The following GRIP1 variants were observed in gnomAD, a reference collection of about 807,000 sequenced individuals.
GRIP1 encodes glutamate receptor interacting protein 1.
Under a neutral mutation model 129.9 loss-of-function variants are expected in GRIP1, and 45 were observed. That is an observed-to-expected ratio of 0.35 (90% CI 0.27 to 0.44). The LOEUF (loss-of-function observed/expected upper bound fraction) is 0.44. Ranked by LOEUF, GRIP1 falls within the 20% of genes least tolerant of loss-of-function variation. The probability of loss-of-function intolerance (pLI) is 1.00; values close to 1 mark genes in which losing one functional copy is unlikely to be tolerated. For synonymous variants in GRIP1, 530 were observed against 520.8 expected (o/e 1.02, Z -0.24); for missense variants, 1,196 against 1,396.8 (o/e 0.86, Z 2.29).
At chr12:66,873,931 A>C (rs2040338940) in intron 1 of GRIP1, among the ~76,000 whole-genome samples, 2 of 152,178 alleles carry the variant, frequency 1.3e-5, no homozygotes, top group African/African-American at 4.8e-5. Context: ...GTTTCTCTAC[A>C]TCTTATCATC....
chr12:66,610,513 A>G (rs1298942925), intron 1 of GRIP1, among the ~76,000 whole-genome samples: 1 of 152,178 alleles, frequency 6.6e-6, no homozygotes, highest in African/African-American at 2.4e-5. Context: ...AGGAACTTAG[A>G]GCCAATGGTA....
intron 1 of GRIP1, among the ~76,000 whole-genome samples, chr12:66,729,172 A>T (rs546023938): frequency 4.6e-4 from 70 of 152,080 alleles, no homozygotes; most frequent in Non-Finnish European, 9.1e-4. Context: ...ATAGATGTGC[A>T]CCACTGAGCC....
chr12:66,534,855 G>C (rs1259968054), intron 4 of GRIP1, among the ~76,000 whole-genome samples: 1 of 152,046 alleles, frequency 6.6e-6, no homozygotes. Flanking sequence ...CACCATGCCT[G>C]GCTAATTTTT....
In GRIP1 at chr12:66,709,708, T is replaced by C. The variant is rs115848541; in HGVS notation, c.-419-79372A>G. 2.9e-3 allele frequency among the ~76,000 whole-genome samples: 442 copies of C among 152,000 alleles called. 1 individual carries two copies. Among genetic ancestry groups the C allele is most frequent in the African/African-American group, 0.01 (423 of 41,496 alleles). On this transcript the variant is annotated intron_variant, in intron 1 of 4. Coordinates refer to the GRIP1 transcript ENST00000538373. ...TTTCTGATAAGAGATTGTGAACATA[T>C]AAAAACATGAAACTAAAAAAAGTAA...
intron 7 of GRIP1, among the ~76,000 whole-genome samples, chr12:66,488,084 A>G (rs1317352947): frequency 2.0e-5 from 3 of 152,222 alleles, no homozygotes; most frequent in African/African-American, 7.2e-5. Flanking sequence ...ATAGAAAATT[A>G]GTGAAGATAT....
At chr12:66,579,564 G>A (rs2063288988) in intron 2 of GRIP1, among the ~76,000 whole-genome samples, 1 of 152,156 alleles carries the variant, frequency 6.6e-6, no homozygotes, top group African/African-American at 2.4e-5. Context: ...GTGCTTAAAG[G>A]AGCTGATGAA....
intron 1 of GRIP1, among the ~76,000 whole-genome samples, chr12:67,052,608 A>C (rs2043363642): frequency 1.3e-5 from 2 of 152,096 alleles, no homozygotes; most frequent in Admixed American, 1.3e-4. Context: ...AAATACAAAA[A>C]AATTAGCCGG....
intron 1 of GRIP1, among the ~76,000 whole-genome samples, chr12:66,913,076 C>T (rs770554005): frequency 7.9e-5 from 12 of 152,166 alleles, no homozygotes; most frequent in Non-Finnish European, 1.8e-4. Context: ...CCAAACAAGT[C>T]GGCCGCCACA....
chr12:66,961,665 A>G (rs2041923055), intron 1 of GRIP1, among the ~76,000 whole-genome samples: 1 of 151,928 alleles, frequency 6.6e-6, no homozygotes. Flanking sequence ...CTTGGCCCCA[A>G]TTTTTTTAAA....
chr12:66,865,704 T>A (rs2137133374), intron 1 of GRIP1, among the ~76,000 whole-genome samples: 2 of 152,122 alleles, frequency 1.3e-5, no homozygotes, highest in East Asian at 3.9e-4. Flanking sequence ...TCTATCTCTA[T>A]CTTCTTGTAA....
chr12:66,524,907 C>T (rs1456455307), intron 5 of GRIP1, among the ~76,000 whole-genome samples: 8 of 152,212 alleles, frequency 5.3e-5, no homozygotes, highest in South Asian at 4.1e-4. Context: ...AATACCTCTA[C>T]GCAAATAAAC....
chr12:67,002,044 C>T (rs903771549), intron 1 of GRIP1, among the ~76,000 whole-genome samples: 4 of 151,884 alleles, frequency 2.6e-5, no homozygotes, highest in African/African-American at 7.3e-5. Context: ...AAAAAAATCC[C>T]AAAGAAAATA....
intron 24 of GRIP1, among the ~76,000 whole-genome samples, chr12:66,350,737 G>C (rs1168321): frequency 0.5 from 76,676 of 151,944 alleles, 19,903 homozygotes; most frequent in East Asian, 0.58. Context: ...AGTTCTGAAA[G>C]AGCTGTCTTA....
chr12:66,953,955 C>A (rs946558580), intron 1 of GRIP1, among the ~76,000 whole-genome samples: 4 of 152,076 alleles, frequency 2.6e-5, no homozygotes, highest in African/African-American at 9.7e-5. Flanking sequence ...ACAGTGCTTT[C>A]CGACCCCCCA....
chr12:66,601,760 C>A (rs2064288255), intron 1 of GRIP1, among the ~76,000 whole-genome samples: 1 of 152,164 alleles, frequency 6.6e-6, no homozygotes, highest in Non-Finnish European at 1.5e-5. Flanking sequence ...CATGTCCTTA[C>A]AAACTTGAAA....
intron 1 of GRIP1, among the ~76,000 whole-genome samples, chr12:67,051,892 T>A (rs1291382964): frequency 6.6e-6 from 1 of 152,216 alleles, no homozygotes; most frequent in East Asian, 1.9e-4. Context: ...TAGTTTAGTA[T>A]CTTTATTGTC....
At chr12:66,558,480 T>C (rs994251588) in intron 2 of GRIP1, among the ~76,000 whole-genome samples, 3 of 152,142 alleles carry the variant, frequency 2.0e-5, no homozygotes, top group African/African-American at 7.2e-5. Context: ...GGAGCTATAA[T>C]TCAAGATGAG....
chr12:66,785,678 GATTC>G (rs2038319024), intron 1 of GRIP1, among the ~76,000 whole-genome samples: 1 of 151,998 alleles, frequency 6.6e-6, no homozygotes, highest in African/African-American at 2.4e-5. Flanking sequence ...ATCATTTAGA[GATTC>G]ATTTGGGTTA....
At chr12:66,860,015 T>C (rs1321921920) in intron 1 of GRIP1, among the ~76,000 whole-genome samples, 2 of 152,086 alleles carry the variant, frequency 1.3e-5, no homozygotes, top group Non-Finnish European at 2.9e-5. Flanking sequence ...ATGCAAGATA[T>C]AAGTGATCAT....
Sources: gnomAD v4.1 joint callset for allele counts (sites outside exome capture counted in the v4.1 genomes callset) on GRCh38, gnomAD v4.1.1 for gene constraint, MANE v1.5 for transcripts, NCBI Gene and HGNC (gene_info 2026-07-23, HGNC 2026-07-21) for gene names.